The following STX3 variants were observed in gnomAD, a reference collection of about 807,000 sequenced individuals.
STX3 encodes syntaxin-3.
A neutral mutation model predicts 40.2 loss-of-function variants in STX3; 19 were observed. The ratio of observed to expected loss-of-function variants is 0.47; its 90% CI spans 0.33 to 0.69. The LOEUF (loss-of-function observed/expected upper bound fraction) is 0.69. Ranked by LOEUF, STX3 falls within the 30% of genes least tolerant of loss-of-function variation. STX3 has a pLI of 0.02. For synonymous variants in STX3, 122 were observed against 132.2 expected (o/e 0.92, Z 0.53); for missense variants, 364 against 366.7 (o/e 0.99, Z 0.06).
At chr11:59,788,108 A>T (rs1227255662) in intron 3 of STX3, among the ~76,000 whole-genome samples, 1 of 151,970 alleles carries the variant, frequency 6.6e-6, no homozygotes, top group Non-Finnish European at 1.5e-5. Flanking sequence ...TTCTCGTGGA[A>T]TTCCTGCTTT....
chr11:59,770,442 G>A (rs989149450), intron 1 of STX3, among the ~76,000 whole-genome samples: 1 of 151,780 alleles, frequency 6.6e-6, no homozygotes, highest in African/African-American at 2.4e-5. Context: ...TATACTTGAG[G>A]TCTGTCCCCT....
chr11:59,771,413 C>T (rs1255234993), intron 1 of STX3, among the ~76,000 whole-genome samples: 5 of 118,080 alleles, frequency 4.2e-5, no homozygotes, highest in East Asian at 5.6e-4. Flanking sequence ...TCCCCCCCCC[C>T]GCCCGCCCAC....
chr11:59,790,610 AT>A, intron 5 of STX3, 24 bp downstream of exon 5: 1 of 1,571,934 alleles, frequency 6.4e-7, no homozygotes, highest in Non-Finnish European at 8.8e-7. Flanking sequence ...TGGTCTCATG[AT>A]TAGCTAGTCC....
At chr11:59,760,846 G>A (rs1032968900) in intron 1 of STX3, among the ~76,000 whole-genome samples, 15 of 152,124 alleles carry the variant, frequency 9.9e-5, no homozygotes, top group African/African-American at 3.6e-4. Flanking sequence ...CACTGTATTC[G>A]ATCATCTCCC....
intron 2 of STX3, among the ~76,000 whole-genome samples, chr11:59,779,559 G>A (rs1464762457): frequency 1.3e-5 from 2 of 152,194 alleles, no homozygotes; most frequent in African/African-American, 4.8e-5. Flanking sequence ...CATTTGTAGT[G>A]ATATAAGAAG....
chr11:59,784,647 C>G (rs1402615677), intron 2 of STX3, among the ~76,000 whole-genome samples: 1 of 152,154 alleles, frequency 6.6e-6, no homozygotes, highest in Non-Finnish European at 1.5e-5. Context: ...TGGATGGCAG[C>G]AGGCAAAAAG....
chr11:59,795,992 G>A (rs2135031298), intron 9 of STX3, among the ~76,000 whole-genome samples: 1 of 152,260 alleles, frequency 6.6e-6, no homozygotes, highest in East Asian at 1.9e-4. Context: ...ATCTTCTCCT[G>A]GACTTAGCTC....
At position 59,801,067 on chromosome 11, in the gene STX3, C is replaced by T. The variant is rs1478856985; in HGVS notation, c.*243C>T. ...AGAGCCTCCTCCTGCCCCACCAGCT[C>T]TCAAGTACCTTTTCTCCTGGACTGT... On this transcript the variant is annotated 3_prime_UTR_variant, in exon 11 of 11. Transcript: ENST00000337979. The T allele has an allele frequency of 6.9e-7, 1 of 1,457,576 alleles. No individual in the cohort carries two copies. The highest frequency in any genetic ancestry group is 9.0e-7 in the Non-Finnish European group (1 of 1,108,106). 90.3% of individuals were successfully genotyped at this position (1,457,576 alleles called of 1,614,324 possible).
chr11:59,793,065 T>G (rs547896837), intron 6 of STX3, 34 bp from the exon 7 acceptor site: 1 of 1,606,608 alleles, frequency 6.2e-7, no homozygotes, highest in African/African-American at 1.3e-5. Flanking sequence ...CACCGTGATC[T>G]TATATTTGAC....
chr11:59,774,969 T>C (rs1253626521), intron 2 of STX3, among the ~76,000 whole-genome samples: 3 of 152,242 alleles, frequency 2.0e-5, no homozygotes, highest in African/African-American at 7.2e-5. Context: ...TCTGCCACCA[T>C]ACTATGGTTT....
chr11:59,799,825 T>TC, intron 10 of STX3: 3 of 985,410 alleles, frequency 3.0e-6, no homozygotes, highest in Non-Finnish European at 3.6e-6. Flanking sequence ...ATTTTTTTTT[T>TC]CCCCTCTTTT....
chr11:59,760,195 G>C (rs1862957381), intron 1 of STX3, among the ~76,000 whole-genome samples: 1 of 152,172 alleles, frequency 6.6e-6, no homozygotes, highest in Admixed American at 6.5e-5. Flanking sequence ...GAGTGTGGGG[G>C]AAGTCGGGGG....
At chr11:59,780,939 A>G (rs1215243469) in intron 2 of STX3, among the ~76,000 whole-genome samples, 1 of 152,180 alleles carries the variant, frequency 6.6e-6, no homozygotes, top group East Asian at 1.9e-4. Context: ...GGTCAGTATA[A>G]TTCTGAGATC....
Position 59,801,545 on chromosome 11 carries a change from G to T in STX3, c.*721G>T, listed in dbSNP as rs777150619. 1.5e-4 allele frequency: 144 copies of T among 985,320 alleles called. 1 individual carries two copies. Among genetic ancestry groups the T allele is most frequent in the Middle Eastern group, 1.0e-3 (2 of 1,936 alleles). 61.0% of individuals were successfully genotyped at this position (985,320 alleles called of 1,614,324 possible). A position where few individuals can be genotyped will look rare whatever the true frequency, so the allele number is the denominator to read the frequency against. On this transcript the variant is annotated 3_prime_UTR_variant, in exon 11 of 11. Coordinates refer to ENST00000337979, the MANE Select transcript of STX3 (RefSeq NM_004177.5). ...GGTTATGCTTTGCAAAAGGCTGACG[G>T]TATGGAATATGTTTCCATGTCTGAG...
intron 1 of STX3, among the ~76,000 whole-genome samples, chr11:59,758,298 T>TG (rs1055661358): frequency 1.3e-5 from 2 of 151,986 alleles, no homozygotes; most frequent in African/African-American, 4.8e-5. Context: ...GAGCATCTCT[T>TG]GGAGGGGAGG....
rs934120390 is a variant in STX3, at chr11:59,775,251, G to T, written c.114+1957G>T. Reference sequence around the variant, plus strand: ...AGATCCCCACCCTCCTCACAGGCGGGTCCATCAGAGTCATAGTGAGATCAA... The same window carrying T: ...AGATCCCCACCCTCCTCACAGGCGGTTCCATCAGAGTCATAGTGAGATCAA... On this transcript the variant is annotated intron_variant, in intron 2 of 10. Transcript: ENST00000337979. 2.6e-5 allele frequency among the ~76,000 whole-genome samples: 4 copies of T among 152,230 alleles called. No homozygotes were observed. The South Asian group carries it at 6.2e-4, about 24-fold the overall frequency.
chr11:59,790,058 A>G (rs569159639), intron 4 of STX3, among the ~76,000 whole-genome samples: 7 of 152,340 alleles, frequency 4.6e-5, no homozygotes, highest in Admixed American at 2.6e-4. Flanking sequence ...TGCAATAACT[A>G]TTTTAACTGG....
At chr11:59,796,354 C>T (rs1054249562) in intron 9 of STX3, among the ~76,000 whole-genome samples, 1 of 152,322 alleles carries the variant, frequency 6.6e-6, no homozygotes. Context: ...TCTGTGCTCA[C>T]GACTGTGGTT....
intron 2 of STX3, among the ~76,000 whole-genome samples, chr11:59,776,601 T>C (rs181403330): frequency 5.3e-5 from 8 of 152,344 alleles, no homozygotes; most frequent in Admixed American, 2.0e-4. Flanking sequence ...GCACTCTTGA[T>C]AAAACTTACT....
Sources: allele counts gnomAD v4.1 joint callset (sites outside exome capture counted in the v4.1 genomes callset), GRCh38; gene constraint gnomAD v4.1.1; transcripts MANE v1.5; gene names NCBI Gene and HGNC (gene_info 2026-07-23, HGNC 2026-07-21).